The following ODAD2 variants were observed in gnomAD, a reference collection of about 807,000 sequenced individuals.
ODAD2 encodes the protein outer dynein arm docking complex subunit 2, also known as outer dynein arm-docking complex subunit 2.
ODAD2 carries 89 observed loss-of-function variants against 106.8 expected under a neutral mutation model. The observed-to-expected ratio is 0.83, with a 90% CI of 0.70 to 0.99. The LOEUF is 0.99. Among genes scored for constraint, ODAD2 ranks in the 50% least tolerant of loss-of-function variants. The pLI is 0.00. For missense variants in ODAD2, 1,168 were observed against 1,238.5 expected (o/e 0.94, Z 0.85); for synonymous variants, 404 against 436.2 (o/e 0.93, Z 0.92).
In ODAD2 at chr10:27,936,900, G is replaced by A; in HGVS notation, c.2098-20C>T. ...AGCACACTGCACGAAAAGTCAGACA[G>A]AGGCTGTCAGTCATCAAGGAATATC... On this transcript the variant is annotated intron_variant, in intron 14 of 19. Coordinates refer to ENST00000305242, the MANE Select transcript of ODAD2 (RefSeq NM_018076.5). 2 of 1,578,726 alleles carry A rather than the reference G, an allele frequency of 1.3e-6. No homozygotes were observed. Among genetic ancestry groups the A allele is most frequent in the South Asian group, 1.2e-5 (1 of 84,726 alleles).
chr10:27,923,574 A>G (rs1395602467), intron 16 of ODAD2, among the ~76,000 whole-genome samples: 1 of 152,166 alleles, frequency 6.6e-6, no homozygotes, highest in Non-Finnish European at 1.5e-5. Context: ...AGTTCACACA[A>G]AATAATAAGA....
At chr10:27,982,396 C>A (rs1849609179) in intron 6 of ODAD2, among the ~76,000 whole-genome samples, 1 of 151,958 alleles carries the variant, frequency 6.6e-6, no homozygotes, top group South Asian at 2.1e-4. Flanking sequence ...GTATGTAGAT[C>A]AATAATAACC....
At chr10:27,957,487 T>C (rs944731740) in intron 10 of ODAD2, 6 of 152,072 alleles carry the variant, frequency 3.9e-5, no homozygotes, top group Admixed American at 3.9e-4. Flanking sequence ...ACCTGAACCA[T>C]CAGGATAGCA....
At chr10:27,908,306 T>C (rs1441307505) in intron 16 of ODAD2, among the ~76,000 whole-genome samples, 2 of 152,226 alleles carry the variant, frequency 1.3e-5, no homozygotes, top group Non-Finnish European at 2.9e-5. Context: ...TTGTTTTCCA[T>C]GTGCACCCTT....
chr10:27,921,160 T>C (rs1289093871), intron 16 of ODAD2, among the ~76,000 whole-genome samples: 1 of 152,048 alleles, frequency 6.6e-6, no homozygotes, highest in African/African-American at 2.4e-5. Flanking sequence ...TTAATAGAAA[T>C]ACCTGTTCCT....
chr10:27,835,068 T>G (rs371521448), intron 19 of ODAD2, among the ~76,000 whole-genome samples: 21 of 152,218 alleles, frequency 1.4e-4, no homozygotes, highest in African/African-American at 5.1e-4. Flanking sequence ...CTTGTAGACA[T>G]CGCGTGGCCC....
chr10:27,978,039 T>A (rs1449074742), intron 7 of ODAD2, among the ~76,000 whole-genome samples: 1 of 152,246 alleles, frequency 6.6e-6, no homozygotes, highest in Non-Finnish European at 1.5e-5. Context: ...TATATGATCA[T>A]ACAAATCCTT....
intron 17 of ODAD2, among the ~76,000 whole-genome samples, chr10:27,881,816 T>C (rs1325923232): frequency 6.6e-6 from 1 of 152,154 alleles, no homozygotes; most frequent in Non-Finnish European, 1.5e-5. Context: ...AAATAAAACC[T>C]TGATTAGTGA....
chr10:27,815,566 C>T (rs935991715), intron 19 of ODAD2, among the ~76,000 whole-genome samples: 1 of 152,156 alleles, frequency 6.6e-6, no homozygotes, highest in African/African-American at 2.4e-5. Flanking sequence ...GACCCCTTAA[C>T]AGCATTTGAT....
chr10:27,819,015 C>T (rs887765248), intron 19 of ODAD2, among the ~76,000 whole-genome samples: 5 of 152,186 alleles, frequency 3.3e-5, no homozygotes, highest in African/African-American at 1.2e-4. Context: ...GGATCACATA[C>T]CTCTGGGGGT....
intron 2 of ODAD2, among the ~76,000 whole-genome samples, chr10:27,992,592 A>G (rs1295957334): frequency 6.6e-6 from 1 of 152,132 alleles, no homozygotes; most frequent in Non-Finnish European, 1.5e-5. Context: ...TGAGGGGCTG[A>G]GGTGGGAGGA....
chr10:27,935,341 C>A, intron 15 of ODAD2, 89 bp from the exon 16 acceptor site: 1 of 1,466,172 alleles, frequency 6.8e-7, no homozygotes, highest in Non-Finnish European at 9.3e-7. Flanking sequence ...TACAACAACC[C>A]AATGATACAG....
intron 17 of ODAD2, among the ~76,000 whole-genome samples, chr10:27,891,152 T>C (rs546039983): frequency 1.3e-5 from 2 of 152,274 alleles, no homozygotes; most frequent in African/African-American, 4.8e-5. Context: ...GATGTCAAAT[T>C]CCTGTCCTGT....
At chr10:27,881,381 C>T (rs1017738888) in intron 17 of ODAD2, among the ~76,000 whole-genome samples, 5 of 151,902 alleles carry the variant, frequency 3.3e-5, no homozygotes, top group Non-Finnish European at 7.4e-5. Context: ...GGAGTGGTGG[C>T]TTATGCCTAC....
chr10:27,851,998 T>G (rs1022988693), intron 19 of ODAD2, among the ~76,000 whole-genome samples: 2 of 151,956 alleles, frequency 1.3e-5, no homozygotes, highest in African/African-American at 4.8e-5. Context: ...TCTAAAACAA[T>G]GCAGGTGATA....
chr10:27,916,409 T>G (rs1179557307), intron 16 of ODAD2, among the ~76,000 whole-genome samples: 3 of 152,060 alleles, frequency 2.0e-5, no homozygotes, highest in Non-Finnish European at 4.4e-5. Context: ...ACAGGGAAAT[T>G]GATCAAATAA....
intron 19 of ODAD2, among the ~76,000 whole-genome samples, chr10:27,814,361 G>C (rs1284317007): frequency 1.3e-5 from 2 of 152,156 alleles, no homozygotes. Flanking sequence ...CTTCCCACCC[G>C]GCTGTCTCAA....
In ODAD2 at chr10:27,913,620, A is replaced by G. The variant is rs2133903747; in HGVS notation, c.2496-5843T>C. 2.6e-5 allele frequency among the ~76,000 whole-genome samples: 4 copies of G among 152,258 alleles called. No individual in the cohort carries two copies. The South Asian group carries it at 8.3e-4, about 32-fold the overall frequency. Reference sequence around the variant, plus strand: ...AAGTCTAATATCCACAATCTATAAGAAACTTAAATTAACAAGCAAAAGCTG... The same window carrying G: ...AAGTCTAATATCCACAATCTATAAGGAACTTAAATTAACAAGCAAAAGCTG... On this transcript the variant is annotated intron_variant, in intron 16 of 19. Transcript: ENST00000305242.
At chr10:27,945,791 C>T (rs985246564) in intron 10 of ODAD2, among the ~76,000 whole-genome samples, 2 of 152,106 alleles carry the variant, frequency 1.3e-5, no homozygotes, top group Non-Finnish European at 2.9e-5. Context: ...GTGCATATTA[C>T]CACTACTGCT....
Sources: gnomAD v4.1 joint callset for allele counts (sites outside exome capture counted in the v4.1 genomes callset) on GRCh38, gnomAD v4.1.1 for gene constraint, MANE v1.5 for transcripts, NCBI Gene and HGNC (gene_info 2026-07-23, HGNC 2026-07-21) for gene names.